Variants in NRBP1 observed in about 807,000 individuals in gnomAD.
NRBP1 encodes nuclear receptor-binding protein.
In NRBP1, 10 loss-of-function variants were observed where a neutral mutation model predicts 76.0. That is an observed-to-expected ratio of 0.13 (90% CI 0.08 to 0.22). The LOEUF (loss-of-function observed/expected upper bound fraction) is 0.22, where lower values mean the gene tolerates loss of function less well. NRBP1 is among the 10% of genes least tolerant of loss of function. NRBP1 has a pLI of 1.00. For synonymous variants in NRBP1, 235 were observed against 240.2 expected, an observed-to-expected ratio of 0.98 and a Z score of 0.20; for missense variants, 344 against 646.0, an observed-to-expected ratio of 0.53 and a Z score of 5.07.
chr2:27,437,140 A>T, intron 9 of NRBP1, 35 bp downstream of exon 9: 1 of 1,602,576 alleles, frequency 6.2e-7, no homozygotes, highest in Non-Finnish European at 8.5e-7. Flanking sequence ...GAAAGGGGTC[A>T]GATGAGAAGA....
chr2:27,428,208 A>C, upstream of NRBP1: 1 of 157,030 alleles, frequency 6.4e-6, no homozygotes, highest in Non-Finnish European at 1.4e-5. Context: ...TTTCCGGAGA[A>C]TTGGCGTCCT....
At chr2:27,435,056 C>G in intron 6 of NRBP1, 77 bp from the exon 7 acceptor site, 1 of 835,798 alleles carries the variant, frequency 1.2e-6, no homozygotes, top group Non-Finnish European at 2.0e-6. Flanking sequence ...AGACCTGGCC[C>G]TTGCTCCTCT....
At chr2:27,436,625 G>A (rs1236641479) in intron 7 of NRBP1, 128 bp from the exon 8 acceptor site, 1 of 732,750 alleles carries the variant, frequency 1.4e-6, no homozygotes, top group Non-Finnish European at 2.4e-6. Context: ...AAGGGAATAT[G>A]TTTGTGCCTG....
intron 10 of NRBP1, 71 bp from the exon 11 acceptor site, chr2:27,439,695 T>G (rs1306278020): frequency 4.4e-6 from 7 of 1,576,472 alleles, no homozygotes; most frequent in Non-Finnish European, 5.2e-6. Context: ...CTAAGTAGAA[T>G]GAGAGCTATA....
chr2:27,435,395 G>A (rs1215363010), intron 7 of NRBP1, among the ~76,000 whole-genome samples, 168 bp downstream of exon 7: 1 of 152,154 alleles, frequency 6.6e-6, no homozygotes, highest in East Asian at 1.9e-4. Context: ...TTAATTAGTG[G>A]AGAGGGGGTA....
At chr2:27,441,223 G>A (rs1664540695) in intron 15 of NRBP1, 43 bp downstream of exon 15, 9 of 1,613,924 alleles carry the variant, frequency 5.6e-6, no homozygotes, top group Non-Finnish European at 7.6e-6. Context: ...GTAGCCAGAG[G>A]GTAGGGAAGA....
chr2:27,433,561 G>A, intron 2 of NRBP1, 78 bp downstream of exon 2: 3 of 1,602,194 alleles, frequency 1.9e-6, no homozygotes, highest in Non-Finnish European at 2.6e-6. Flanking sequence ...TCTTAAAAGA[G>A]GCCAACCAAA....
intron 7 of NRBP1, chr2:27,435,779 G>C (rs1373875970): frequency 1.4e-6 from 1 of 717,550 alleles, no homozygotes; most frequent in Non-Finnish European, 2.6e-6. Flanking sequence ...TTGGGGCTCT[G>C]TTTGTGCTCC....
chr2:27,441,242 A>G (rs1402614970), intron 15 of NRBP1, 25 bp from the exon 16 acceptor site: 5 of 1,613,592 alleles, frequency 3.1e-6, no homozygotes, highest in Non-Finnish European at 4.2e-6. Context: ...GAAAAGTCTC[A>G]TTTTCTGACT....
intron 12 of NRBP1, 64 bp downstream of exon 12, chr2:27,440,572 C>A: frequency 6.2e-7 from 1 of 1,600,862 alleles, no homozygotes; most frequent in South Asian, 1.1e-5. Flanking sequence ...GCTCTGTAAA[C>A]TGTCCATTCT....
At chr2:27,440,236 T>G in intron 11 of NRBP1, 167 bp from the exon 12 acceptor site, 1 of 600,778 alleles carries the variant, frequency 1.7e-6, no homozygotes, top group Non-Finnish European at 3.0e-6. Context: ...GGTCTTGAAC[T>G]GGCGTCAAGT....
rs1008546654 is a variant in NRBP1, at chr2:27,439,663, C to T, written c.904-103C>T. Reference sequence around the variant, plus strand: ...TGTTTTCTCAGCAAGTGCTGAGCACCTACTATGTACAAAGCCTTGTGCTAA... The same window carrying T: ...TGTTTTCTCAGCAAGTGCTGAGCACTTACTATGTACAAAGCCTTGTGCTAA... On this transcript the variant is annotated intron_variant, in intron 10 of 17. Transcript: ENST00000379852. The T allele has an allele frequency of 4.5e-6, 6 of 1,330,584 alleles. 1 individual carries two copies. Among genetic ancestry groups the T allele is most frequent in the Middle Eastern group, 1.9e-4 (1 of 5,148 alleles). 82.4% of individuals were successfully genotyped at this position (1,330,584 alleles called of 1,614,324 possible).
rs780269053 is a variant in NRBP1, at chr2:27,441,214, T to C, written c.1383+34T>C. The C allele has an allele frequency of 2.5e-6, 4 of 1,613,894 alleles. No individual in the cohort carries two copies. The Admixed American group carries it at 6.7e-5, about 27-fold the overall frequency. On this transcript the variant is annotated intron_variant, in intron 15 of 17. Coordinates refer to ENST00000379852, the MANE Select transcript of NRBP1 (RefSeq NM_013392.4). ...CAGGGCTAGGGTTGCGCAGGGCTAG[T>C]AGCCAGAGGGTAGGGAAGAAAAGTC...
At chr2:27,434,877 T>C in intron 6 of NRBP1, 115 bp downstream of exon 6, 1 of 1,135,550 alleles carries the variant, frequency 8.8e-7, no homozygotes, top group Non-Finnish European at 1.3e-6. Context: ...CTTTGAATCA[T>C]ATACTGTCAA....
At chr2:27,434,218 G>A (rs1664221821) in intron 4 of NRBP1, 128 bp downstream of exon 4, 2 of 814,840 alleles carry the variant, frequency 2.5e-6, no homozygotes, top group Non-Finnish European at 4.0e-6. Flanking sequence ...AGCTGCAATG[G>A]CGATAAGAGT....
At chr2:27,435,445 G>T in intron 7 of NRBP1, 1 of 603,808 alleles carries the variant, frequency 1.7e-6, no homozygotes. Context: ...GAAAATTGGG[G>T]TTAATACAGA....
At chr2:27,430,341 C>T (rs1664055139) in intron 1 of NRBP1, among the ~76,000 whole-genome samples, 1 of 149,182 alleles carries the variant, frequency 6.7e-6, no homozygotes, top group Non-Finnish European at 1.5e-5. Context: ...CACAAATGGG[C>T]ATCAGAGAGT....
At chr2:27,441,052 A>G (rs534377757) in intron 14 of NRBP1, 75 bp from the exon 15 acceptor site, 32 of 1,608,106 alleles carry the variant, frequency 2.0e-5, no homozygotes, top group East Asian at 1.3e-4. Context: ...GCCATGCCCT[A>G]TGGGCTCGAA....
At chr2:27,430,719 C>G (rs1664080711) in intron 1 of NRBP1, among the ~76,000 whole-genome samples, 2 of 152,012 alleles carry the variant, frequency 1.3e-5, no homozygotes, top group African/African-American at 2.4e-5. Flanking sequence ...CACCATCTCC[C>G]AAAGTGCTGG....
Sources: allele counts gnomAD v4.1 joint callset (sites outside exome capture counted in the v4.1 genomes callset), GRCh38; gene constraint gnomAD v4.1.1; transcripts MANE v1.5; gene names NCBI Gene and HGNC (gene_info 2026-07-23, HGNC 2026-07-21).